Variants in LHFPL2 observed in about 807,000 individuals in gnomAD.
LHFPL2 encodes LHFPL tetraspan subfamily member 2.
In LHFPL2, 7 loss-of-function variants were observed where a neutral mutation model predicts 17.5. The observed-to-expected ratio is 0.40, with a 90% CI of 0.23 to 0.75. LHFPL2 has a LOEUF of 0.75. LHFPL2 is among the 30% of genes least tolerant of loss of function. The probability of loss-of-function intolerance (pLI) is 0.37; values close to 1 mark genes in which losing one functional copy is unlikely to be tolerated. For synonymous variants in LHFPL2, 134 were observed against 116.2 expected (o/e 1.15, Z -0.99); for missense variants, 241 against 294.8 (o/e 0.82, Z 1.34).
intron 2 of LHFPL2, among the ~76,000 whole-genome samples, chr5:78,574,699 C>T (rs1304911485): frequency 6.6e-6 from 1 of 152,216 alleles, no homozygotes; most frequent in Non-Finnish European, 1.5e-5. Context: ...TCCTTTTCCC[C>T]ACAAGATTTT....
At chr5:78,553,284 G>A (rs1756494772) in intron 3 of LHFPL2, among the ~76,000 whole-genome samples, 1 of 152,060 alleles carries the variant, frequency 6.6e-6, no homozygotes, top group Non-Finnish European at 1.5e-5. Context: ...TCATCCCTTG[G>A]CAAAAGCTAG....
rs35349495 is a variant in LHFPL2, at chr5:78,589,467, C to CAAA, written c.-244-24599_-244-24597dup. Among the ~76,000 whole-genome samples the CAAA allele has an allele frequency of 8.0e-3, 1,046 of 131,536 alleles. 14 individuals carry two copies. Among genetic ancestry groups the CAAA allele is most frequent in the African/African-American group, 0.026 (922 of 35,798 alleles). The allele number at this position is 131,536 out of a possible 152,430, so 86.3% of individuals were successfully genotyped here. A position where few individuals can be genotyped will look rare whatever the true frequency, so the allele number is the denominator to read the frequency against. ...TCTGGCAACAGGGTTAACTCCATCT[C>CAAA]AAAAAAAAAAAAAAAATTAGAAGTC... On this transcript the variant is annotated intron_variant, in intron 2 of 4. Coordinates refer to ENST00000380345, the MANE Select transcript of LHFPL2 (RefSeq NM_005779.3).
intron 3 of LHFPL2, among the ~76,000 whole-genome samples, chr5:78,559,156 C>T (rs1245959847): frequency 6.6e-6 from 1 of 152,184 alleles, no homozygotes. Context: ...CCAGTGGTGC[C>T]TTCTTAATGT....
rs1263435560 is a variant in LHFPL2, at chr5:78,488,119, C to T, written c.*778G>A. ...CCTTAGAAGAAAAACATGTGATCTC[C>T]AGAAGAAGAGGAGACTGGGCCAGAA... is the stretch of plus-strand genomic sequence containing the variant. On this transcript the variant is annotated 3_prime_UTR_variant, in exon 5 of 5. Coordinates refer to ENST00000380345, the MANE Select transcript of LHFPL2 (RefSeq NM_005779.3). 1.3e-5 allele frequency: 2 copies of T among 152,312 alleles called. No individual in the cohort carries two copies. Among genetic ancestry groups the T allele is most frequent in the Middle Eastern group, 3.4e-3 (1 of 294 alleles). 9.4% of individuals were successfully genotyped at this position (152,312 alleles called of 1,614,324 possible).
intron 1 of LHFPL2, chr5:78,644,679 T>A (rs929420840): frequency 3.3e-6 from 1 of 301,160 alleles, no homozygotes; most frequent in Non-Finnish European, 6.6e-6. Flanking sequence ...CAAATCTCAC[T>A]TTCTCTTTAG....
intron 4 of LHFPL2, among the ~76,000 whole-genome samples, chr5:78,503,541 AC>A (rs1472465916): frequency 6.6e-6 from 1 of 152,172 alleles, no homozygotes; most frequent in Non-Finnish European, 1.5e-5. Flanking sequence ...TACTAAAAAT[AC>A]CAAAAATTAG....
chr5:78,597,664 A>C (rs1055990507), intron 2 of LHFPL2, among the ~76,000 whole-genome samples: 3 of 152,202 alleles, frequency 2.0e-5, no homozygotes, highest in Admixed American at 6.5e-5. Flanking sequence ...ACAAAAGAAA[A>C]GTTGGGAGGA....
chr5:78,523,808 A>G (rs1309945634), intron 3 of LHFPL2, among the ~76,000 whole-genome samples: 1 of 152,162 alleles, frequency 6.6e-6, no homozygotes, highest in Non-Finnish European at 1.5e-5. Context: ...AACCCCAAAC[A>G]TTTAATTAAA....
At position 78,489,027 on chromosome 5, in the gene LHFPL2, T is replaced by C. The variant is rs1179747760; in HGVS notation, c.557A>G (p.Tyr186Cys). The C allele has an allele frequency of 1.9e-6, 3 of 1,614,056 alleles. No homozygotes were observed. Among genetic ancestry groups the C allele is most frequent in the African/African-American group, 1.3e-5 (1 of 74,928 alleles). The part of the protein sequence containing the change: ...PGDCSLGWAF[Y>C]TAIGGTVLTF... ...GAGGACTGTGCCCCCAATGGCGGTATAAAAGGCCCAGCCCAAGGAGCAGTC... is the reference window on the plus strand; with the variant it reads ...GAGGACTGTGCCCCCAATGGCGGTACAAAAGGCCCAGCCCAAGGAGCAGTC... Residue 186 changes from tyrosine (Y) to cysteine (C), a missense_variant, in exon 5 of 5, where the codon TAT becomes TGT. Physicochemically the swap from Tyr to Cys is radical, Grantham distance 194. Coordinates refer to ENST00000380345, the MANE Select transcript of LHFPL2 (RefSeq NM_005779.3).
In LHFPL2 at chr5:78,648,133, C is replaced by T. The variant is rs920196660; in HGVS notation, c.-350+366G>A. 2.6e-4 allele frequency among the ~76,000 whole-genome samples: 39 copies of T among 152,290 alleles called. No individual in the cohort carries two copies. The highest frequency in any genetic ancestry group is 4.9e-4 in the Non-Finnish European group (33 of 68,004). On this transcript the variant is annotated intron_variant, in intron 1 of 4. Transcript: ENST00000380345. This position sits in a 1 kb window ranked among gnomAD's most constrained non-coding sequence, Gnocchi z 5.4. ...CGCTGGAACCCGGCGCCCAGCTGCG[C>T]CTGGGACCCACGCGCCGCCGTCCGA...
intron 3 of LHFPL2, among the ~76,000 whole-genome samples, chr5:78,556,187 G>C (rs2112401650): frequency 6.6e-6 from 1 of 152,258 alleles, no homozygotes; most frequent in Non-Finnish European, 1.5e-5. Context: ...CTCAAACGTA[G>C]GACACTTTTG....
intron 3 of LHFPL2, among the ~76,000 whole-genome samples, chr5:78,532,609 G>T (rs1755819225): frequency 6.6e-6 from 1 of 152,028 alleles, no homozygotes. Flanking sequence ...ACCATCATTA[G>T]GTTTCAGTTA....
chr5:78,642,950 A>G (rs1318669543), intron 1 of LHFPL2, among the ~76,000 whole-genome samples: 1 of 152,086 alleles, frequency 6.6e-6, no homozygotes, highest in African/African-American at 2.4e-5. Flanking sequence ...CTCTGGTACT[A>G]GCCTCCCAGC....
intron 3 of LHFPL2, among the ~76,000 whole-genome samples, chr5:78,551,364 T>G (rs1276206815): frequency 2.0e-5 from 3 of 152,130 alleles, no homozygotes; most frequent in Non-Finnish European, 4.4e-5. Flanking sequence ...TATGGGCAAT[T>G]TTGAATTTAA....
At chr5:78,630,889 C>T (rs1188666846) in intron 2 of LHFPL2, among the ~76,000 whole-genome samples, 1 of 152,172 alleles carries the variant, frequency 6.6e-6, no homozygotes, top group Non-Finnish European at 1.5e-5. Context: ...CCACCCCAGG[C>T]ATCAGAGAAT....
chr5:78,544,219 TGTAGACA>T (rs1756200387), intron 3 of LHFPL2, among the ~76,000 whole-genome samples: 1 of 152,194 alleles, frequency 6.6e-6, no homozygotes, highest in African/African-American at 2.4e-5. Context: ...CCCCAGCTGC[TGTAGACA>T]GTAAACTCCA....
chr5:78,641,943 AT>A (rs1745681322), intron 1 of LHFPL2: 1 of 152,224 alleles, frequency 6.6e-6, no homozygotes, highest in Non-Finnish European at 1.5e-5. Flanking sequence ...ACACACATAT[AT>A]GCTCAAGCTG....
chr5:78,490,167 A>T (rs763831717), intron 4 of LHFPL2, among the ~76,000 whole-genome samples: 1 of 152,226 alleles, frequency 6.6e-6, no homozygotes, highest in Non-Finnish European at 1.5e-5. Flanking sequence ...TTGTCATTTT[A>T]AACACCTATT....
intron 3 of LHFPL2, among the ~76,000 whole-genome samples, chr5:78,531,369 C>T (rs1015865012): frequency 6.8e-6 from 1 of 146,714 alleles, no homozygotes; most frequent in African/African-American, 2.5e-5. Flanking sequence ...GAGCACAGAT[C>T]GTGCCACTGC....
Sources: allele counts gnomAD v4.1 joint callset (sites outside exome capture counted in the v4.1 genomes callset), GRCh38; gene constraint gnomAD v4.1.1; non-coding constraint Gnocchi (gnomAD v3.1); transcripts MANE v1.5; gene names NCBI Gene and HGNC (gene_info 2026-07-23, HGNC 2026-07-21).